GASK1A: variants seen among roughly 807,000 people sequenced by gnomAD.
GASK1A encodes the protein Golgi-associated kinase 1A.
A neutral mutation model predicts 41.2 loss-of-function variants in GASK1A; 40 were observed. That is an observed-to-expected ratio of 0.97 (90% CI 0.75 to 1.27). The LOEUF is 1.27. Ranked by LOEUF, GASK1A falls within the 50% of genes most tolerant of loss-of-function variation. The probability of loss-of-function intolerance (pLI) is 0.00; values close to 1 mark genes in which losing one functional copy is unlikely to be tolerated. For missense variants in GASK1A, 678 were observed against 745.1 expected, an observed-to-expected ratio of 0.91 and a Z score of 1.05; for synonymous variants, 316 against 307.1, an observed-to-expected ratio of 1.03 and a Z score of -0.30.
chr3:42,987,062 A>G (rs1274701847), intron 1 of GASK1A, among the ~76,000 whole-genome samples: 2 of 152,226 alleles, frequency 1.3e-5, no homozygotes, highest in Non-Finnish European at 1.5e-5. Flanking sequence ...TCAAAATCCT[A>G]AGGAAATTGA....
chr3:43,040,493 C>T (rs756322827), intron 2 of GASK1A, among the ~76,000 whole-genome samples: 64 of 152,110 alleles, frequency 4.2e-4, no homozygotes, highest in South Asian at 6.2e-4. Context: ...TTCCCAGATC[C>T]TTTTGGGATT....
chr3:42,994,496 C>G (rs1400808250), intron 1 of GASK1A, among the ~76,000 whole-genome samples: 2 of 152,182 alleles, frequency 1.3e-5, no homozygotes, highest in African/African-American at 4.8e-5. Context: ...CCTCAGTCTT[C>G]TAAGCAGCAT....
intron 1 of GASK1A, among the ~76,000 whole-genome samples, chr3:43,006,999 A>G (rs968389674): frequency 6.6e-6 from 1 of 152,204 alleles, no homozygotes; most frequent in South Asian, 2.1e-4. Flanking sequence ...CACACACCTG[A>G]TAGTCATAGG....
intron 2 of GASK1A, among the ~76,000 whole-genome samples, chr3:43,038,049 A>G (rs183723417): frequency 1.2e-4 from 18 of 152,372 alleles, no homozygotes; most frequent in African/African-American, 1.9e-4. Flanking sequence ...TGCTGATTTT[A>G]AATATACATC....
intron 2 of GASK1A, among the ~76,000 whole-genome samples, chr3:43,044,846 C>T (rs892380098): frequency 7.9e-5 from 12 of 152,222 alleles, no homozygotes; most frequent in South Asian, 4.2e-4. Context: ...ACACCCAACA[C>T]GAGGCCGTGG....
At chr3:43,018,270 A>T (rs534991101) in intron 1 of GASK1A, among the ~76,000 whole-genome samples, 18 of 152,338 alleles carry the variant, frequency 1.2e-4, no homozygotes, top group Admixed American at 7.8e-4. Flanking sequence ...CTGAATTTCT[A>T]CCATTGTAAC....
intron 3 of GASK1A, 117 bp from the exon 4 acceptor site, chr3:43,055,315 T>G: frequency 1.5e-6 from 1 of 673,178 alleles, no homozygotes; most frequent in Non-Finnish European, 2.6e-6. Context: ...TTTGTTAGGA[T>G]GGACTGTGGG....
chr3:43,029,877 CTT>C (rs763622637), intron 1 of GASK1A, among the ~76,000 whole-genome samples: 14 of 152,108 alleles, frequency 9.2e-5, no homozygotes, highest in Admixed American at 5.9e-4. Context: ...CTGCCACTGA[CTT>C]AGAAGGGACT....
chr3:43,052,530 G>A (rs1300872492), intron 2 of GASK1A, among the ~76,000 whole-genome samples: 5 of 152,272 alleles, frequency 3.3e-5, no homozygotes, highest in East Asian at 1.9e-4. Context: ...TTCATAAAAG[G>A]AAAATAGAAT....
Position 42,995,517 on chromosome 3 carries a change from C to A in GASK1A, c.3+15872C>A, listed in dbSNP as rs1032689768. On this transcript the variant is annotated intron_variant, in intron 1 of 4. Coordinates refer to ENST00000430121, the MANE Select transcript of GASK1A (RefSeq NM_001129908.3). ...ACACTACAAGCCAAACAAAACACATCTGCAGGCCAGATTTGGCCTGTGGGT... is the reference window on the plus strand; with the variant it reads ...ACACTACAAGCCAAACAAAACACATATGCAGGCCAGATTTGGCCTGTGGGT... Among the ~76,000 whole-genome samples the A allele has an allele frequency of 2.6e-5, 4 of 152,326 alleles. No homozygotes were observed. In the South Asian group the frequency reaches 8.3e-4, roughly 32 times the overall value.
intron 1 of GASK1A, among the ~76,000 whole-genome samples, chr3:43,029,390 T>C (rs764617057): frequency 1.3e-5 from 2 of 152,180 alleles, no homozygotes; most frequent in Non-Finnish European, 2.9e-5. Flanking sequence ...GTGCGTCCTC[T>C]TGTGCAGCTG....
intron 1 of GASK1A, among the ~76,000 whole-genome samples, chr3:42,991,910 C>T (rs558534454): frequency 6.6e-6 from 1 of 152,326 alleles, no homozygotes; most frequent in East Asian, 1.9e-4. Context: ...GGTGCTCATT[C>T]CCAGCCTCCC....
chr3:43,028,323 C>T (rs2089555605), intron 1 of GASK1A, among the ~76,000 whole-genome samples: 1 of 152,218 alleles, frequency 6.6e-6, no homozygotes, highest in South Asian at 2.1e-4. Context: ...TTCCTCTTCC[C>T]ATCATGGCCT....
rs748408263 is a variant in GASK1A at position 43,032,984 on chromosome 3, T to G, written c.721T>G (p.Trp241Gly). 6.4e-7 allele frequency: 1 copy of G among 1,551,608 alleles called. No individual in the cohort carries two copies. The highest frequency in any genetic ancestry group is 8.7e-7 in the Non-Finnish European group (1 of 1,146,940). The part of the protein sequence containing the change: ...GSVEKLQGSV[W>G]CDAETLLSSS... Reference sequence around the variant, plus strand: ...TGTTGAGAAGCTGCAAGGGTCAGTATGGTGTGATGCTGAGACGCTGTTGAG... The same window carrying G: ...TGTTGAGAAGCTGCAAGGGTCAGTAGGGTGTGATGCTGAGACGCTGTTGAG... The change falls in exon 2 of 5, where the codon TGG becomes GGG. Residue 241 changes from tryptophan to glycine, a missense_variant. Transcript: ENST00000430121.
intron 1 of GASK1A, among the ~76,000 whole-genome samples, chr3:43,012,800 G>A (rs1211904511): frequency 6.6e-6 from 1 of 151,666 alleles, no homozygotes; most frequent in Non-Finnish European, 1.5e-5. Context: ...CAGGCAGTGT[G>A]AGGCCACAGG....
chr3:43,021,847 G>A (rs958193822), intron 1 of GASK1A, among the ~76,000 whole-genome samples: 1 of 152,182 alleles, frequency 6.6e-6, no homozygotes, highest in African/African-American at 2.4e-5. Flanking sequence ...CGCAACTGTG[G>A]GTGGATGGGA....
chr3:43,032,611 G>A lies in GASK1A; in HGVS notation c.348G>A (p.Gly116=). ...ESPGGDLRHP[G]RVRRDITLSG... is the part of the protein sequence containing the mutation. ...CAGGAGGGGACCTCAGGCATCCAGG[G>A]AGGGTGAGGAGGGACATTACTTTGT... Residue 116 remains glycine, a synonymous_variant, in exon 2 of 5, where the codon GGG becomes GGA. Transcript: ENST00000430121. 1 of 1,551,704 alleles carries A rather than the reference G, an allele frequency of 6.4e-7. No individual in the cohort carries two copies. Among genetic ancestry groups the A allele is most frequent in the Non-Finnish European group, 8.7e-7 (1 of 1,146,960 alleles).
chr3:42,982,376 A>G (rs941051782), intron 1 of GASK1A, among the ~76,000 whole-genome samples: 2 of 152,234 alleles, frequency 1.3e-5, no homozygotes, highest in African/African-American at 4.8e-5. Context: ...GAAAAAATAC[A>G]CAACTTCTAC....
chr3:43,017,374 T>C (rs1192886653), intron 1 of GASK1A, among the ~76,000 whole-genome samples: 62 of 88,016 alleles, frequency 7.0e-4, no homozygotes, highest in Middle Eastern at 0.011. Flanking sequence ...TGTGAAGTCA[T>C]AGGAAGGGGC....
Sources: allele counts gnomAD v4.1 joint callset (sites outside exome capture counted in the v4.1 genomes callset), GRCh38; gene constraint gnomAD v4.1.1; transcripts MANE v1.5; gene names NCBI Gene and HGNC (gene_info 2026-07-23, HGNC 2026-07-21).